RPA1: variants seen among roughly 807,000 people sequenced by gnomAD.
RPA1 encodes replication protein A 70 kDa DNA-binding subunit.
In RPA1, 49 loss-of-function variants were observed where a neutral mutation model predicts 83.0. The ratio of observed to expected loss-of-function variants is 0.59; its 90% CI spans 0.47 to 0.75. RPA1 has a LOEUF of 0.75. RPA1 is among the 30% of genes least tolerant of loss of function. The pLI, the probability that RPA1 is intolerant of heterozygous loss-of-function variation, is 0.00. For synonymous variants in RPA1, 279 were observed against 281.8 expected (o/e 0.99, Z 0.10); for missense variants, 693 against 776.1 (o/e 0.89, Z 1.27).
chr17:1,843,867 T>C, intron 2 of RPA1, 53 bp from the exon 3 acceptor site: 7 of 1,492,254 alleles, frequency 4.7e-6, no homozygotes, highest in Non-Finnish European at 6.5e-6. Flanking sequence ...GGTTTACGTA[T>C]CCCTGGGGAC....
At chr17:1,841,708 C>T (rs952492122) in intron 1 of RPA1, among the ~76,000 whole-genome samples, 3 of 152,090 alleles carry the variant, frequency 2.0e-5, no homozygotes, top group African/African-American at 4.8e-5. Flanking sequence ...GCCTTATTCC[C>T]AATCTTAGTA....
At chr17:1,890,142 G>A (rs1331321802) in intron 14 of RPA1, among the ~76,000 whole-genome samples, 1 of 152,206 alleles carries the variant, frequency 6.6e-6, no homozygotes. Flanking sequence ...GGCTGAGGCA[G>A]GATGATTGCT....
intron 1 of RPA1, 29 bp downstream of exon 1, chr17:1,830,155 G>C: frequency 8.1e-7 from 1 of 1,238,618 alleles, no homozygotes; most frequent in Non-Finnish European, 1.0e-6. Context: ...CTGGGCCGGC[G>C]GTCCGGGGTG....
At chr17:1,864,954 C>T (rs1408906424) in intron 5 of RPA1, among the ~76,000 whole-genome samples, 1 of 152,138 alleles carries the variant, frequency 6.6e-6, no homozygotes, top group African/African-American at 2.4e-5. Flanking sequence ...CTCCCAGCTA[C>T]TGGGAAAGCT....
rs181509485 is a variant in RPA1, at chr17:1,864,470, C to T, written c.362-7964C>T. Among the ~76,000 whole-genome samples, 55 of 151,624 alleles carry T rather than the reference C, an allele frequency of 3.6e-4. No homozygotes were observed. In the East Asian group the frequency reaches 7.0e-3, roughly 19 times the overall value. ...AGGAGAATCGCTTGAACCTGGGAAT[C>T]GGAGGTTGCAGTGAGCTGAGATTGC... On this transcript the variant is annotated intron_variant, in intron 5 of 16. Coordinates refer to ENST00000254719, the MANE Select transcript of RPA1 (RefSeq NM_002945.5).
intron 13 of RPA1, 31 bp downstream of exon 13, chr17:1,883,975 G>A (rs1663413664): frequency 1.2e-6 from 2 of 1,612,074 alleles, no homozygotes; most frequent in African/African-American, 1.3e-5. Context: ...CCTTCACAAA[G>A]GGCTGTAAAG....
intron 1 of RPA1, among the ~76,000 whole-genome samples, chr17:1,836,028 C>A (rs1288049947): frequency 6.6e-6 from 1 of 152,182 alleles, no homozygotes; most frequent in Non-Finnish European, 1.5e-5. Context: ...CTTACCTTGT[C>A]CAGTACTGTT....
At position 1,898,463 on chromosome 17, in the gene RPA1, G is replaced by C. The variant is rs139398055; in HGVS notation, c.*1288G>C. On this transcript the variant is annotated 3_prime_UTR_variant, in exon 17 of 17. Coordinates refer to ENST00000254719, the MANE Select transcript of RPA1 (RefSeq NM_002945.5). ...CCTAATCATATTAATTATCTATCCG[G>C]TGGCTGCAACACACCGCCTGCCATT... 1 of 152,242 alleles carries C rather than the reference G, an allele frequency of 6.6e-6. No homozygotes were observed. Among genetic ancestry groups the C allele is most frequent in the Non-Finnish European group, 1.5e-5 (1 of 68,038 alleles). The allele number at this position is 152,242 out of a possible 1,614,324, so 9.4% of individuals were successfully genotyped here.
chr17:1,885,240 C>G (rs571201476), intron 13 of RPA1, among the ~76,000 whole-genome samples: 1 of 152,174 alleles, frequency 6.6e-6, no homozygotes, highest in East Asian at 1.9e-4. Flanking sequence ...CCTTGCCCAT[C>G]GTAAGGAGCA....
chr17:1,890,833 A>G (rs2151291753), intron 14 of RPA1, among the ~76,000 whole-genome samples: 1 of 152,300 alleles, frequency 6.6e-6, no homozygotes, highest in South Asian at 2.1e-4. Context: ...TAAACTCCAC[A>G]GCGCAATCTC....
chr17:1,892,156 G>C (rs4790837), intron 15 of RPA1, among the ~76,000 whole-genome samples: 3 of 151,800 alleles, frequency 2.0e-5, no homozygotes. Context: ...ACAGGCACCC[G>C]CCACGATGCC....
At chr17:1,887,387 C>T (rs1434442216) in intron 13 of RPA1, among the ~76,000 whole-genome samples, 4 of 151,612 alleles carry the variant, frequency 2.6e-5, no homozygotes, top group African/African-American at 7.3e-5. Context: ...GTTAAAACCC[C>T]GTCTCTACTA....
chr17:1,866,661 A>G (rs755531000), intron 5 of RPA1, among the ~76,000 whole-genome samples: 45 of 151,184 alleles, frequency 3.0e-4, no homozygotes, highest in Non-Finnish European at 5.6e-4. Context: ...GGGTTTTACC[A>G]TGTTGGCCAG....
intron 5 of RPA1, among the ~76,000 whole-genome samples, chr17:1,864,774 C>A (rs897707041): frequency 6.6e-6 from 1 of 151,950 alleles, no homozygotes; most frequent in African/African-American, 2.4e-5. Flanking sequence ...GTGGCGGGCA[C>A]CTGTAATCCC....
Position 1,884,136 on chromosome 17 carries a change from C to A in RPA1, c.1374+192C>A, listed in dbSNP as rs17338997. On this transcript the variant is annotated intron_variant, in intron 13 of 16. Coordinates refer to ENST00000254719, the MANE Select transcript of RPA1 (RefSeq NM_002945.5). This position sits in a 1 kb window ranked among gnomAD's most constrained non-coding sequence, Gnocchi z 4.1. ...GGTGTGCTCATGGGAATATGTGTTACCCCTCAGGGGACTGGAGGCAGGAGA... is the reference window on the plus strand; with the variant it reads ...GGTGTGCTCATGGGAATATGTGTTAACCCTCAGGGGACTGGAGGCAGGAGA... Among the ~76,000 whole-genome samples the A allele has an allele frequency of 0.057, 8,627 of 152,178 alleles. 804 individuals are homozygous for A. Among genetic ancestry groups the A allele is most frequent in the African/African-American group, 0.19 (7,986 of 41,480 alleles).
At chr17:1,880,481 TA>T (rs1913746908) in intron 11 of RPA1, 61 bp from the exon 12 acceptor site, 2 of 1,569,000 alleles carry the variant, frequency 1.3e-6, no homozygotes, top group South Asian at 1.1e-5. Flanking sequence ...TTGTTTTCTA[TA>T]AAAATCTTCT....
At chr17:1,873,580 T>C (rs1197421829) in intron 6 of RPA1, among the ~76,000 whole-genome samples, 2 of 152,146 alleles carry the variant, frequency 1.3e-5, no homozygotes, top group African/African-American at 4.8e-5. Context: ...CCCCTTGCCC[T>C]TTGTTGTTTT....
At chr17:1,877,530 C>T (rs1252433219) in intron 8 of RPA1, among the ~76,000 whole-genome samples, 1 of 152,094 alleles carries the variant, frequency 6.6e-6, no homozygotes, top group Non-Finnish European at 1.5e-5. Context: ...TGTGCTTTTC[C>T]CTCTGTCATA....
intron 1 of RPA1, among the ~76,000 whole-genome samples, chr17:1,842,581 C>T (rs141770706): frequency 5.3e-5 from 8 of 152,174 alleles, no homozygotes; most frequent in African/African-American, 1.7e-4. Context: ...TATGGGATAC[C>T]GGTGCTAGAG....
Sources: gnomAD v4.1 joint callset for allele counts (sites outside exome capture counted in the v4.1 genomes callset) on GRCh38, gnomAD v4.1.1 for gene constraint, Gnocchi (gnomAD v3.1) non-coding constraint, MANE v1.5 for transcripts, NCBI Gene and HGNC (gene_info 2026-07-23, HGNC 2026-07-21) for gene names.